The following AGAP1 variants were observed in gnomAD, a reference collection of about 807,000 sequenced individuals.
AGAP1 encodes the protein arf-GAP with GTPase, ANK repeat and PH domain-containing protein 1.
AGAP1 carries 29 observed loss-of-function variants against 105.3 expected under a neutral mutation model. The observed-to-expected ratio is 0.28, with a 90% CI of 0.21 to 0.38. The LOEUF is 0.38. Ranked by LOEUF, AGAP1 falls within the 10% of genes least tolerant of loss-of-function variation. AGAP1 has a pLI of 1.00. For missense variants in AGAP1, 998 were observed against 1,165.1 expected (o/e 0.86, Z 2.09); for synonymous variants, 509 against 485.9 (o/e 1.05, Z -0.63).
chr2:235,880,751 AAAC>A (rs1484989091), intron 9 of AGAP1, among the ~76,000 whole-genome samples: 1 of 152,056 alleles, frequency 6.6e-6, no homozygotes, highest in Non-Finnish European at 1.5e-5. Flanking sequence ...AAAAAAAAAA[AAAC>A]AAAAAAAGAA....
chr2:236,072,649 C>T (rs191634469), intron 16 of AGAP1: 12 of 152,288 alleles, frequency 7.9e-5, no homozygotes, highest in Admixed American at 6.5e-4. Context: ...TGAGTATAGA[C>T]AGGATCTCAC....
At chr2:235,641,680 A>T (rs1367682868) in intron 1 of AGAP1, among the ~76,000 whole-genome samples, 1 of 152,208 alleles carries the variant, frequency 6.6e-6, no homozygotes, top group Non-Finnish European at 1.5e-5. Context: ...TTACATTTTT[A>T]AAAATACATA....
Position 236,001,348 on chromosome 2 carries a change from A to C in AGAP1, c.1645+32725A>C, listed in dbSNP as rs1235785842. On this transcript the variant is annotated intron_variant, in intron 13 of 17. Coordinates refer to ENST00000304032, the MANE Select transcript of AGAP1 (RefSeq NM_001037131.3). The surrounding 1 kb of genome is among the most constrained non-coding windows in gnomAD (Gnocchi z 4.7). ...CACCCAGCGTGCGGTGCATTGTGGCAGGTGCAGGCCGCTAGTGCCCCCCAC... is the reference window on the plus strand; with the variant it reads ...CACCCAGCGTGCGGTGCATTGTGGCCGGTGCAGGCCGCTAGTGCCCCCCAC... Among the ~76,000 whole-genome samples, 7 of 152,186 alleles carry C rather than the reference A, an allele frequency of 4.6e-5. No individual in the cohort carries two copies. The highest frequency in any genetic ancestry group is 1.4e-4 in the African/African-American group (6 of 41,436).
intron 1 of AGAP1, among the ~76,000 whole-genome samples, chr2:235,570,619 T>C (rs539498340): frequency 2.0e-5 from 3 of 152,258 alleles, no homozygotes; most frequent in Admixed American, 2.0e-4. Flanking sequence ...TTGGTGGTGG[T>C]TTCAGTGCTG....
At chr2:235,693,332 T>A (rs1949833121) in intron 1 of AGAP1, among the ~76,000 whole-genome samples, 1 of 152,100 alleles carries the variant, frequency 6.6e-6, no homozygotes, top group Non-Finnish European at 1.5e-5. Flanking sequence ...GGGCTGGGCC[T>A]TTATGCCTGT....
rs1381729995 is a variant in AGAP1, at chr2:235,887,941, G to A, written c.1155+4492G>A. On this transcript the variant is annotated intron_variant, in intron 10 of 17. Coordinates refer to ENST00000304032, the MANE Select transcript of AGAP1 (RefSeq NM_001037131.3). The surrounding 1 kb of genome is among the most constrained non-coding windows in gnomAD (Gnocchi z 4.1). ...AGACAGAGATGAGATAGGGCCGTGC[G>A]GCAGCCCATCACCGGCAGCGCTTGC... 2.6e-5 allele frequency among the ~76,000 whole-genome samples: 4 copies of A among 152,114 alleles called. No homozygotes were observed. The highest frequency in any genetic ancestry group is 9.7e-5 in the African/African-American group (4 of 41,428).
rs1002931696 is a variant in AGAP1, at chr2:235,747,494, C to T, written c.538+2655C>T. On this transcript the variant is annotated intron_variant, in intron 5 of 17. Coordinates refer to ENST00000304032, the MANE Select transcript of AGAP1 (RefSeq NM_001037131.3). This position sits in a 1 kb window ranked among gnomAD's most constrained non-coding sequence, Gnocchi z 5.0. The stretch of plus-strand genomic sequence containing the variant: ...CGCCCTCCCGGGGTGAGCAGGTAAG[C>T]GGGCCCCATGCCCTCCCTGCAGGAC... Among the ~76,000 whole-genome samples the T allele has an allele frequency of 6.6e-6, 1 of 151,912 alleles. No individual in the cohort carries two copies. Among genetic ancestry groups the T allele is most frequent in the East Asian group, 1.9e-4 (1 of 5,136 alleles).
At chr2:235,856,098 G>T (rs2048673444) in intron 9 of AGAP1, among the ~76,000 whole-genome samples, 2 of 152,004 alleles carry the variant, frequency 1.3e-5, no homozygotes, top group Non-Finnish European at 1.5e-5. Context: ...ATTTTTAGTA[G>T]AGGCGGGGTT....
At position 236,053,426 on chromosome 2, in the gene AGAP1, A is replaced by G. The variant is rs937691818; in HGVS notation, c.2114+4145A>G. Among the ~76,000 whole-genome samples the G allele has an allele frequency of 2.2e-4, 33 of 152,322 alleles. No homozygotes were observed. Among genetic ancestry groups the G allele is most frequent in the African/African-American group, 7.9e-4 (33 of 41,584 alleles). On this transcript the variant is annotated intron_variant, in intron 16 of 17. Transcript: ENST00000304032. The surrounding 1 kb of genome is among the most constrained non-coding windows in gnomAD (Gnocchi z 4.6). ...CGTCTCAGTAAACCCGTCCACGCAC[A>G]TCCTCTCTCCCTCGCGGTACAGCAG...
chr2:235,763,881 C>G (rs1954674299), intron 6 of AGAP1, among the ~76,000 whole-genome samples: 1 of 152,234 alleles, frequency 6.6e-6, no homozygotes, highest in Admixed American at 6.5e-5. Flanking sequence ...GCAGTCCTTG[C>G]TGCTCTTACA....
chr2:235,567,631 G>A (rs1204465925), intron 1 of AGAP1, among the ~76,000 whole-genome samples: 3 of 152,098 alleles, frequency 2.0e-5, no homozygotes, highest in Non-Finnish European at 2.9e-5. Flanking sequence ...TTCCCAGCCG[G>A]TCGCATACTG....
intron 1 of AGAP1, among the ~76,000 whole-genome samples, chr2:235,496,017 GAGAGGGTATCAGCCCAC>G (rs1275652109): frequency 6.6e-6 from 1 of 152,240 alleles, no homozygotes; most frequent in Non-Finnish European, 1.5e-5. Context: ...CTCTGTGAGG[GAGAGGGTATCAGCCCAC>G]AGAGAGGCTT....
chr2:235,736,272 A>C lies in AGAP1; in HGVS notation c.311-4691A>C, dbSNP rs532962630. Among the ~76,000 whole-genome samples, 5 of 152,078 alleles carry C rather than the reference A, an allele frequency of 3.3e-5. No individual in the cohort carries two copies. The East Asian group carries it at 9.7e-4, about 30-fold the overall frequency. On this transcript the variant is annotated intron_variant, in intron 3 of 17. Coordinates refer to ENST00000304032, the MANE Select transcript of AGAP1 (RefSeq NM_001037131.3). The surrounding 1 kb of genome is among the most constrained non-coding windows in gnomAD (Gnocchi z 5.5). ...CACGGAGCTCGCCTAGCACCTGTTC[A>C]CAGGTGTGCCTGGGCCAGATGCATG...
intron 13 of AGAP1, among the ~76,000 whole-genome samples, chr2:236,013,877 C>T (rs192799471): frequency 2.0e-4 from 31 of 152,268 alleles, no homozygotes; most frequent in Admixed American, 7.2e-4. Context: ...TATAAAATGT[C>T]TCCTGAAGGG....
intron 1 of AGAP1, among the ~76,000 whole-genome samples, chr2:235,501,457 A>AC (rs1941559470): frequency 6.6e-6 from 1 of 152,200 alleles, no homozygotes; most frequent in Non-Finnish European, 1.5e-5. Flanking sequence ...TCTGTAAAAG[A>AC]CAGGAGCTAG....
Position 236,092,896 on chromosome 2 carries a change from C to T in AGAP1, c.2115-27296C>T, listed in dbSNP as rs1429301940. Among the ~76,000 whole-genome samples, 1 of 152,218 alleles carries T rather than the reference C, an allele frequency of 6.6e-6. No homozygotes were observed. Among genetic ancestry groups the T allele is most frequent in the African/African-American group, 2.4e-5 (1 of 41,462 alleles). On this transcript the variant is annotated intron_variant, in intron 16 of 17. Coordinates refer to ENST00000304032, the MANE Select transcript of AGAP1 (RefSeq NM_001037131.3). The surrounding 1 kb of genome is among the most constrained non-coding windows in gnomAD (Gnocchi z 4.7). The stretch of plus-strand genomic sequence containing the variant: ...TGCCAGAAAGAAAGCACAGAGCTAC[C>T]AGGGACCAGGGCAGATGCCGCAGAC...
chr2:235,902,748 G>A (rs1384718372), intron 10 of AGAP1, among the ~76,000 whole-genome samples: 1 of 152,214 alleles, frequency 6.6e-6, no homozygotes, highest in African/African-American at 2.4e-5. Context: ...AACTCCAACA[G>A]CTGCAGAAGT....
intron 9 of AGAP1, among the ~76,000 whole-genome samples, chr2:235,812,825 G>A (rs1575531999): frequency 6.6e-6 from 1 of 152,318 alleles, no homozygotes; most frequent in East Asian, 1.9e-4. Flanking sequence ...TGAGCGAGAG[G>A]CCCGCCGAGC....
chr2:235,769,025 A>G lies in AGAP1; in HGVS notation c.673+18537A>G, dbSNP rs1955208663. Among the ~76,000 whole-genome samples, 1 of 152,212 alleles carries G rather than the reference A, an allele frequency of 6.6e-6. No individual in the cohort carries two copies. The highest frequency in any genetic ancestry group is 6.5e-5 in the Admixed American group (1 of 15,280). ...TACCAACTGTACTAAAGATCCCAGT[A>G]CTCGAGTAATTCACCATAAATGAGT... is the stretch of plus-strand genomic sequence containing the variant. On this transcript the variant is annotated intron_variant, in intron 6 of 17. Coordinates refer to ENST00000304032, the MANE Select transcript of AGAP1 (RefSeq NM_001037131.3). This position sits in a 1 kb window ranked among gnomAD's most constrained non-coding sequence, Gnocchi z 4.4.
Sources: gnomAD v4.1 joint callset for allele counts (sites outside exome capture counted in the v4.1 genomes callset) on GRCh38, gnomAD v4.1.1 for gene constraint, Gnocchi (gnomAD v3.1) non-coding constraint, MANE v1.5 for transcripts, NCBI Gene and HGNC (gene_info 2026-07-23, HGNC 2026-07-21) for gene names.